The following MACF1 variants were observed in gnomAD, a reference collection of about 807,000 sequenced individuals.
The protein encoded by MACF1 is microtubule-actin cross-linking factor 1.
A neutral mutation model predicts 854.8 loss-of-function variants in MACF1; 193 were observed. The ratio of observed to expected loss-of-function variants is 0.23; its 90% confidence interval spans 0.20 to 0.25. The LOEUF (loss-of-function observed/expected upper bound fraction) is 0.25, where lower values mean the gene tolerates loss of function less well. Ranked by LOEUF, MACF1 falls within the 10% of genes least tolerant of loss-of-function variation. MACF1 has a pLI of 1.00. For missense variants in MACF1, 7,722 were observed against 8,929.1 expected (o/e 0.86, Z 5.45); for synonymous variants, 3,185 against 3,226.7 (o/e 0.99, Z 0.44).
chr1:39,269,362 T>C (rs1210881027), intron 6 of MACF1: 1 of 1,289,654 alleles, frequency 7.8e-7, no homozygotes, highest in Non-Finnish European at 1.0e-6. Flanking sequence ...GGCTGGAGTG[T>C]GGAGGAAGGA....
Position 39,333,367 on chromosome 1 carries a change from C to A in MACF1, c.6779C>A (p.Thr2260Asn). 6.2e-7 allele frequency: 1 copy of A among 1,613,994 alleles called. No homozygotes were observed. Among genetic ancestry groups the A allele is most frequent in the Non-Finnish European group, 8.5e-7 (1 of 1,179,986 alleles). Residue 2260 changes from threonine (T) to asparagine (N), a missense_variant, in exon 37 of 101, where the codon ACC (threonine) becomes AAC (asparagine). Coordinates refer to ENST00000564288, the MANE Select transcript of MACF1 (RefSeq NM_001394062.1). Reference protein sequence around the residue: ...AGGSMMMSEKTDEEDSGREIF... With the variant: ...AGGSMMMSEKNDEEDSGREIF... The stretch of plus-strand genomic sequence containing the variant: ...GGTAGTATGATGATGTCAGAAAAGA[C>A]CGATGAGGAAGATAGTGGCAGGGAA...
intron 56 of MACF1, among the ~76,000 whole-genome samples, chr1:39,385,225 G>A (rs1012032114): frequency 6.6e-6 from 1 of 151,962 alleles, no homozygotes; most frequent in Non-Finnish European, 1.5e-5. Flanking sequence ...TCACCAGCAC[G>A]CCCCACTAAT....
chr1:39,433,345 A>G (rs1009600295), intron 68 of MACF1, among the ~76,000 whole-genome samples, 190 bp downstream of exon 68: 12 of 152,214 alleles, frequency 7.9e-5, no homozygotes, highest in African/African-American at 2.9e-4. Flanking sequence ...TAAAACAGCC[A>G]TCCTATATAA....
chr1:39,436,639 A>G, intron 70 of MACF1: 1 of 737,594 alleles, frequency 1.4e-6, no homozygotes, highest in Admixed American at 2.2e-5. Context: ...TGGAACCTAG[A>G]AGTGAGAGAG....
intron 2 of MACF1, among the ~76,000 whole-genome samples, chr1:39,086,291 T>G (rs1641672000): frequency 6.6e-6 from 1 of 152,164 alleles, no homozygotes; most frequent in South Asian, 2.1e-4. Flanking sequence ...TGGGCTCAGG[T>G]AATCAGGAAA....
At position 39,336,356 on chromosome 1, in the gene MACF1, G is replaced by A; in HGVS notation, c.9768G>A (p.Glu3256=). The change falls in exon 37 of 101, where the codon GAG becomes GAA. Residue 3256 remains glutamate (E), a synonymous_variant. Transcript: ENST00000564288. ...CAGGTCTAGAAGCAGGATCCATTGAGGACATAGTGACTCAGAGAGGTTCCA... is the reference window on the plus strand; with the variant it reads ...CAGGTCTAGAAGCAGGATCCATTGAAGACATAGTGACTCAGAGAGGTTCCA... ...NVAGLEAGSI[E]DIVTQRGSRV... is the part of the protein sequence containing the mutation. 1.9e-6 allele frequency: 3 copies of A among 1,614,190 alleles called. No homozygotes were observed. The highest frequency in any genetic ancestry group is 2.5e-6 in the Non-Finnish European group (3 of 1,180,032).
intron 2 of MACF1, among the ~76,000 whole-genome samples, chr1:39,190,346 T>TA (rs1267130021): frequency 6.6e-6 from 1 of 150,520 alleles, no homozygotes; most frequent in East Asian, 1.9e-4. Context: ...TTTCTTGTCT[T>TA]TTCTTTCTTT....
At chr1:39,118,606 T>C (rs896015307) in intron 2 of MACF1, among the ~76,000 whole-genome samples, 10 of 152,204 alleles carry the variant, frequency 6.6e-5, no homozygotes, top group Admixed American at 6.5e-4. Flanking sequence ...CTCCTTTCTC[T>C]GATTATCCTG....
Position 39,316,437 on chromosome 1 carries a change from C to G in MACF1, c.3496C>G (p.Leu1166Val). The change falls in exon 28 of 101, where the codon CTC (leucine) becomes GTC (valine). Residue 1166 changes from leucine (L) to valine (V), a missense_variant. This residue lies in a region of MACF1 where 1,137 missense variants were observed against 1,263.0 expected (regional missense o/e 0.90). Coordinates refer to ENST00000564288, the MANE Select transcript of MACF1 (RefSeq NM_001394062.1). Reference sequence around the variant, plus strand: ...AGTACGTAGCATACAGGATGCTGAACTCTTGGTCAAAGGTTATGAGATTAA... The same window carrying G: ...AGTACGTAGCATACAGGATGCTGAAGTCTTGGTCAAAGGTTATGAGATTAA... ...VIVRSIQDAE[L>V]LVKGYEIKLS... 1 of 1,613,946 alleles carries G rather than the reference C, an allele frequency of 6.2e-7. No homozygotes were observed. Among genetic ancestry groups the G allele is most frequent in the Non-Finnish European group, 8.5e-7 (1 of 1,179,864 alleles).
At chr1:39,330,742 A>C (rs1260482323) in intron 36 of MACF1, among the ~76,000 whole-genome samples, 3 of 150,696 alleles carry the variant, frequency 2.0e-5, no homozygotes, top group East Asian at 1.9e-4. Context: ...TATTTCCTAC[A>C]TGTTGGGGCT....
At chr1:39,148,904 A>G (rs1643518416) in intron 2 of MACF1, among the ~76,000 whole-genome samples, 1 of 152,182 alleles carries the variant, frequency 6.6e-6, no homozygotes, top group South Asian at 2.1e-4. Flanking sequence ...TGGGTTTTAC[A>G]TTTCATTGAG....
rs566481362 is a variant in MACF1 at position 39,374,443 on chromosome 1, T to C, written c.13213+1847T>C. Among the ~76,000 whole-genome samples, 80 of 152,330 alleles carry C rather than the reference T, an allele frequency of 5.3e-4. 1 individual carries two copies. Among genetic ancestry groups the C allele is most frequent in the African/African-American group, 1.8e-3 (73 of 41,576 alleles). Reference sequence around the variant, plus strand: ...AAAGTTAAAAGATATTTTGGAACTATCCACAAGTGACATTTCAGGGAATTG... The same window carrying C: ...AAAGTTAAAAGATATTTTGGAACTACCCACAAGTGACATTTCAGGGAATTG... On this transcript the variant is annotated intron_variant, in intron 52 of 100. Transcript: ENST00000564288.
chr1:39,099,919 A>G (rs1461607428), intron 2 of MACF1, among the ~76,000 whole-genome samples: 1 of 152,180 alleles, frequency 6.6e-6, no homozygotes, highest in South Asian at 2.1e-4. Flanking sequence ...GTCTCTATAA[A>G]AAATTTTTTT....
chr1:39,246,729 C>T (rs1393979256), intron 2 of MACF1, among the ~76,000 whole-genome samples: 1 of 151,908 alleles, frequency 6.6e-6, no homozygotes, highest in Non-Finnish European at 1.5e-5. Flanking sequence ...AGACTGGTCT[C>T]GAACTCCTGA....
At chr1:39,421,944 G>T (rs1024915650) in intron 58 of MACF1, among the ~76,000 whole-genome samples, 2 of 151,996 alleles carry the variant, frequency 1.3e-5, no homozygotes, top group African/African-American at 4.8e-5. Context: ...GCATGGTGGC[G>T]GGCGTCTGTA....
chr1:39,355,600 G>A (rs144202017), intron 44 of MACF1, among the ~76,000 whole-genome samples: 3,688 of 151,080 alleles, frequency 0.024, 117 homozygotes, highest in East Asian at 0.17. Flanking sequence ...TGAGTAGCTG[G>A]GATTACAGGT....
rs752602850 is a variant in MACF1, at chr1:39,480,012, A to G, written c.22170+3A>G. On this transcript the variant is annotated splice_donor_region_variant and intron_variant, in intron 98 of 100. Transcript: ENST00000564288. ...CCACCCCAGCCAGTGGAACCAAGGT[A>G]TGTACTGATCTCCATTATGCCCTTC... 6.4e-7 allele frequency: 1 copy of G among 1,572,678 alleles called. No individual in the cohort carries two copies. The highest frequency in any genetic ancestry group is 1.1e-5 in the South Asian group (1 of 90,516).
At chr1:39,139,782 G>A in intron 2 of MACF1, among the ~76,000 whole-genome samples, 1 of 151,988 alleles carries the variant, frequency 6.6e-6, no homozygotes. Context: ...AAAAGTAATA[G>A]TAATAACTGA....
intron 2 of MACF1, among the ~76,000 whole-genome samples, chr1:39,153,730 C>CT (rs1553149775): frequency 6.6e-6 from 1 of 152,154 alleles, no homozygotes; most frequent in Non-Finnish European, 1.5e-5. Context: ...TGAAGCCTGA[C>CT]TTTTTTTGTC....
Sources: allele counts gnomAD v4.1 joint callset (sites outside exome capture counted in the v4.1 genomes callset), GRCh38; gene constraint gnomAD v4.1.1; regional missense constraint gnomAD v4.1.1; transcripts MANE v1.5; gene names NCBI Gene and HGNC (gene_info 2026-07-23, HGNC 2026-07-21).